Variants in FOLH1 observed in about 807,000 individuals in gnomAD.
FOLH1 encodes the protein folate hydrolase 1, also known as glutamate carboxypeptidase 2.
A neutral mutation model predicts 93.9 loss-of-function variants in FOLH1; 54 were observed. The observed-to-expected ratio is 0.57, with a 90% CI of 0.46 to 0.72. The LOEUF (loss-of-function observed/expected upper bound fraction) is 0.72. Ranked by LOEUF, FOLH1 falls within the 30% of genes least tolerant of loss-of-function variation. The probability of loss-of-function intolerance (pLI) is 0.00; values close to 1 mark genes in which losing one functional copy is unlikely to be tolerated. For missense variants in FOLH1, 571 were observed against 892.5 expected, an observed-to-expected ratio of 0.64 and a Z score of 4.59; for synonymous variants, 249 against 303.6, an observed-to-expected ratio of 0.82 and a Z score of 1.87.
chr11:49,187,232 A>C (rs908612781), intron 4 of FOLH1, among the ~76,000 whole-genome samples: 23 of 152,350 alleles, frequency 1.5e-4, no homozygotes, highest in African/African-American at 5.0e-4. Flanking sequence ...ATTGCTTCAC[A>C]GGTCTGATTT....
At chr11:49,169,500 C>T (rs909200298) in intron 11 of FOLH1, among the ~76,000 whole-genome samples, 1 of 152,184 alleles carries the variant, frequency 6.6e-6, no homozygotes, top group South Asian at 2.1e-4. Context: ...TGTCCATATA[C>T]TTATGGTAAG....
At chr11:49,182,980 T>C (rs1247371366) in intron 7 of FOLH1, among the ~76,000 whole-genome samples, 169 bp downstream of exon 7, 2 of 152,206 alleles carry the variant, frequency 1.3e-5, no homozygotes, top group Non-Finnish European at 1.5e-5. Flanking sequence ...CTCATGTATA[T>C]ACTAAATTCC....
intron 6 of FOLH1, among the ~76,000 whole-genome samples, chr11:49,185,304 C>T (rs566599879): frequency 5.5e-4 from 83 of 152,156 alleles, no homozygotes; most frequent in African/African-American, 1.9e-3. Context: ...CCTTATTCCC[C>T]GCCCCCCACT....
chr11:49,170,033 A>AT (rs1043610568), intron 11 of FOLH1, among the ~76,000 whole-genome samples: 29 of 148,812 alleles, frequency 1.9e-4, no homozygotes, highest in African/African-American at 3.0e-4. Context: ...CAGGAGCACC[A>AT]TTTTTTTTTT....
At chr11:49,194,547 T>C (rs984599755) in intron 3 of FOLH1, among the ~76,000 whole-genome samples, 1 of 152,024 alleles carries the variant, frequency 6.6e-6, no homozygotes, top group Non-Finnish European at 1.5e-5. Context: ...GAAATATTGA[T>C]TGAATTATGA....
chr11:49,194,679 C>A (rs1310984824), intron 3 of FOLH1, among the ~76,000 whole-genome samples: 1 of 151,676 alleles, frequency 6.6e-6, no homozygotes, highest in South Asian at 2.1e-4. Flanking sequence ...AATTAAAAAG[C>A]GTAGCATGTC....
chr11:49,175,040 G>A lies in FOLH1; in HGVS notation c.1020-63C>T, dbSNP rs537280241. 35 of 1,459,878 alleles carry A rather than the reference G, an allele frequency of 2.4e-5. No homozygotes were observed. The East Asian group carries it at 8.0e-4, about 33-fold the overall frequency. 90.4% of individuals were successfully genotyped at this position (1,459,878 alleles called of 1,614,324 possible). The stretch of plus-strand genomic sequence containing the variant: ...CTGGTTAACAGATTAACACTATAAG[G>A]TTTAAGGGAATTTTCCCCTCTGCCT... On this transcript the variant is annotated intron_variant, in intron 8 of 18. Transcript: ENST00000256999.
intron 7 of FOLH1, among the ~76,000 whole-genome samples, chr11:49,182,160 C>G (rs1449527559): frequency 1.3e-5 from 2 of 151,734 alleles, no homozygotes; most frequent in African/African-American, 4.8e-5. Context: ...GAAACCCCAT[C>G]TCTACTAAAA....
In FOLH1 at chr11:49,173,405, C is replaced by A. The variant is rs1485764105; in HGVS notation, c.1177G>T (p.Ala393Ser). ...FGGIDPQSGAAVVHEIVRSFG... is the reference protein window; with the variant it reads ...FGGIDPQSGASVVHEIVRSFG... ...CTCCTCACAATTTCATGAACAACAG[C>A]TGCTCCACTCTGAGGGTCAATACCA... The change falls in exon 10 of 19, where the codon GCT (alanine) becomes TCT (serine). Residue 393 changes from alanine to serine, a missense_variant. Physicochemically the swap from Ala to Ser is moderately conservative, Grantham distance 99. Around this residue, in one of 2 missense-constraint regions of FOLH1, gnomAD observed 500 missense variants for 822.9 expected, o/e 0.61. Transcript: ENST00000256999. The A allele has an allele frequency of 6.2e-7, 1 of 1,612,148 alleles. No homozygotes were observed. Among genetic ancestry groups the A allele is most frequent in the Non-Finnish European group, 8.5e-7 (1 of 1,178,840 alleles).
At chr11:49,157,594 G>C (rs1346767135) in intron 14 of FOLH1, among the ~76,000 whole-genome samples, 2 of 151,826 alleles carry the variant, frequency 1.3e-5, no homozygotes, top group East Asian at 3.9e-4. Flanking sequence ...TTTCAGATTA[G>C]GCATGTTCAA....
intron 4 of FOLH1, 151 bp downstream of exon 4, chr11:49,192,642 C>A: frequency 2.1e-6 from 1 of 474,646 alleles, no homozygotes; most frequent in Admixed American, 4.2e-5. Context: ...AATATTCCTT[C>A]TTCTTACTAA....
In FOLH1 at chr11:49,146,818, G is replaced by C; in HGVS notation, c.2191C>G (p.Gln731Glu). The change falls in exon 19 of 19, where the codon CAG becomes GAG. Residue 731 changes from glutamine to glutamate, a missense_variant. By Grantham distance (29) the Gln-to-Glu change is conservative. Around this residue, in one of 2 missense-constraint regions of FOLH1, gnomAD observed 500 missense variants for 822.9 expected, o/e 0.61. Transcript: ENST00000256999. Reference sequence around the variant, plus strand: ...ACTGTGAAGGCTGCAACATAAATCTGTCTCTTCACTTCTCCCCAGGCCTTG... The same window carrying C: ...ACTGTGAAGGCTGCAACATAAATCTCTCTCTTCACTTCTCCCCAGGCCTTG... ...PSKAWGEVKR[Q>E]IYVAAFTVQA... The C allele has an allele frequency of 6.2e-7, 1 of 1,613,506 alleles. No individual in the cohort carries two copies. The highest frequency in any genetic ancestry group is 8.5e-7 in the Non-Finnish European group (1 of 1,179,666).
chr11:49,154,196 A>G lies in FOLH1; in HGVS notation c.1888+32T>C, dbSNP rs773124927. 17 of 1,610,006 alleles carry G rather than the reference A, an allele frequency of 1.1e-5. No individual in the cohort carries two copies. The Admixed American group carries it at 2.8e-4, about 27-fold the overall frequency. ...TTAGGAGATTAATAGAACCATACAG[A>G]TGAGGAATTTGAAAAAGGAAGGGTA... On this transcript the variant is annotated intron_variant, in intron 16 of 18. Transcript: ENST00000256999.
chr11:49,178,094 C>G (rs890017492), intron 7 of FOLH1, among the ~76,000 whole-genome samples: 1 of 152,160 alleles, frequency 6.6e-6, no homozygotes, highest in African/African-American at 2.4e-5. Context: ...GCAGCTCAGG[C>G]AGAGAACTCA....
chr11:49,191,157 G>A (rs1590648183), intron 4 of FOLH1, among the ~76,000 whole-genome samples: 2 of 152,026 alleles, frequency 1.3e-5, no homozygotes, highest in East Asian at 3.9e-4. Flanking sequence ...GACTACAGGC[G>A]CCCGCCACCA....
chr11:49,183,321 T>C, intron 6 of FOLH1, 79 bp from the exon 7 acceptor site: 1 of 1,053,702 alleles, frequency 9.5e-7, no homozygotes, highest in South Asian at 1.6e-5. Context: ...ATTAAATACA[T>C]TCTAATTTCA....
chr11:49,186,176 G>A (rs1861348033), intron 5 of FOLH1: 1 of 259,054 alleles, frequency 3.9e-6, no homozygotes. Context: ...CAGTCGAAAG[G>A]GAATTTTTTA....
At chr11:49,152,308 C>T (rs1314076148) in intron 17 of FOLH1, among the ~76,000 whole-genome samples, 1 of 152,102 alleles carries the variant, frequency 6.6e-6, no homozygotes, top group African/African-American at 2.4e-5. Flanking sequence ...AGTGGAAATA[C>T]TATGTCAAAG....
At chr11:49,160,982 G>A (rs571243020) in intron 13 of FOLH1, among the ~76,000 whole-genome samples, 32 of 152,150 alleles carry the variant, frequency 2.1e-4, no homozygotes, top group Admixed American at 1.8e-3. Flanking sequence ...GAATTTGCAC[G>A]GCAGTACAAG....
Sources: gnomAD v4.1 joint callset for allele counts (sites outside exome capture counted in the v4.1 genomes callset) on GRCh38, gnomAD v4.1.1 for gene constraint, gnomAD v4.1.1 regional missense constraint, MANE v1.5 for transcripts, NCBI Gene and HGNC (gene_info 2026-07-23, HGNC 2026-07-21) for gene names.